Variants in PCDH15 observed in about 807,000 individuals in gnomAD.
PCDH15 encodes the protein protocadherin related 15, also known as protocadherin-15.
In PCDH15, 129 loss-of-function variants were observed where a neutral mutation model predicts 178.5. The ratio of observed to expected loss-of-function variants is 0.72; its 90% CI spans 0.63 to 0.84. The LOEUF is 0.84. Ranked by LOEUF, PCDH15 falls within the 40% of genes least tolerant of loss-of-function variation. The pLI is 0.00. For synonymous variants in PCDH15, 800 were observed against 732.0 expected (o/e 1.09, Z -1.50); for missense variants, 2,230 against 2,099.9 (o/e 1.06, Z -1.21).
chr10:54,093,017 G>A lies in PCDH15; in HGVS notation c.1918-2954C>T, dbSNP rs908340283. On this transcript the variant is annotated intron_variant, in intron 15 of 37. Coordinates refer to ENST00000644397, the MANE Select transcript of PCDH15 (RefSeq NM_001384140.1). The stretch of plus-strand genomic sequence containing the variant: ...ACAATTTTAAGACCAGATTAATATC[G>A]AATCTTTTATTATATCAGATCTACT... Among the ~76,000 whole-genome samples, 11 of 151,684 alleles carry A rather than the reference G, an allele frequency of 7.3e-5. 1 individual carries two copies. In the South Asian group the frequency reaches 8.3e-4, roughly 12 times the overall value.
At position 55,547,910 on chromosome 10, in the gene PCDH15, TGAGAGAGA is replaced by T. The variant is rs763752387; in HGVS notation, c.-156+79707_-156+79714del. On this transcript the variant is annotated intron_variant, in intron 2 of 5. Transcript: ENST00000613346. ...TGGTGTGTGTGTCTGTGTGTGTGTG[TGAGAGAGA>T]GAGAGAGAGAGAGAGAGAGAGAGAG... is the stretch of plus-strand genomic sequence containing the variant. Among the ~76,000 whole-genome samples the T allele has an allele frequency of 2.1e-3, 113 of 54,520 alleles. 3 individuals are homozygous for T. Among genetic ancestry groups the T allele is most frequent in the South Asian group, 0.02 (21 of 1,032 alleles). 35.8% of individuals were successfully genotyped at this position (54,520 alleles called of 152,430 possible).
rs55738634 is a variant in PCDH15, at chr10:53,957,503, G to GTTTT, written c.3122+2225_3122+2228dup. On this transcript the variant is annotated intron_variant, in intron 23 of 37. Transcript: ENST00000644397. ...TGACACCAAAGCCTATATTTACTAT[G>GTTTT]TTTTTTTTTTTTTCCTGATAACCCA... 5.7e-3 allele frequency among the ~76,000 whole-genome samples: 808 copies of GTTTT among 140,578 alleles called. 17 individuals are homozygous for GTTTT. The highest frequency in any genetic ancestry group is 0.016 in the African/African-American group (619 of 38,396). The allele number at this position is 140,578 out of a possible 152,430, so 92.2% of individuals were successfully genotyped here. A position where few individuals can be genotyped will look rare whatever the true frequency, so the allele number is the denominator to read the frequency against.
At chr10:54,056,048 TC>T (rs2093879179) in intron 18 of PCDH15, among the ~76,000 whole-genome samples, 2 of 152,180 alleles carry the variant, frequency 1.3e-5, no homozygotes, top group Non-Finnish European at 2.9e-5. Flanking sequence ...ATCCTTCAAT[TC>T]TCTTTTAGGA....
At chr10:54,033,385 C>T (rs10825195) in intron 18 of PCDH15, among the ~76,000 whole-genome samples, 65,439 of 151,510 alleles carry the variant, frequency 0.43, 14,900 homozygotes, top group Middle Eastern at 0.61. Flanking sequence ...GTAAGGTTTT[C>T]TTGTCTCCCA....
chr10:55,543,631 G>A (rs1033106024), intron 2 of PCDH15, among the ~76,000 whole-genome samples: 9 of 150,686 alleles, frequency 6.0e-5, no homozygotes, highest in Non-Finnish European at 4.4e-5. Context: ...CTAAATCCAC[G>A]TATATTTGCC....
chr10:55,356,657 C>T (rs542009119), intron 2 of PCDH15, among the ~76,000 whole-genome samples: 23 of 151,704 alleles, frequency 1.5e-4, no homozygotes, highest in African/African-American at 2.4e-4. Context: ...AAATAACAGA[C>T]GTTGTTTACT....
At chr10:54,207,184 C>T (rs752220322) in intron 10 of PCDH15, among the ~76,000 whole-genome samples, 6 of 151,002 alleles carry the variant, frequency 4.0e-5, no homozygotes, top group Admixed American at 6.6e-5. Flanking sequence ...TGTTCTAACA[C>T]TGCTGCATGA....
chr10:53,990,918 G>A (rs961467580), intron 21 of PCDH15, among the ~76,000 whole-genome samples: 25 of 152,136 alleles, frequency 1.6e-4, no homozygotes, highest in South Asian at 8.3e-4. Flanking sequence ...GCCGTCTGGC[G>A]CCACCGGCCC....
At chr10:55,225,267 G>A (rs1349708780) in intron 1 of PCDH15, among the ~76,000 whole-genome samples, 1 of 152,026 alleles carries the variant, frequency 6.6e-6, no homozygotes, top group Non-Finnish European at 1.5e-5. Flanking sequence ...CCTTAATTAA[G>A]TATTTTCTGG....
At chr10:53,920,367 A>G (rs2083895396) in intron 25 of PCDH15, among the ~76,000 whole-genome samples, 1 of 152,100 alleles carries the variant, frequency 6.6e-6, no homozygotes, top group African/African-American at 2.4e-5. Flanking sequence ...TAGTGGATAA[A>G]TTATGTAAAA....
chr10:54,764,109 A>G (rs553212971), intron 1 of PCDH15, among the ~76,000 whole-genome samples: 2 of 152,188 alleles, frequency 1.3e-5, no homozygotes, highest in South Asian at 4.1e-4. Flanking sequence ...AAATAAATAT[A>G]TATTTTTTTC....
At chr10:55,067,399 G>T (rs1287787011) in intron 2 of PCDH15, among the ~76,000 whole-genome samples, 1 of 151,960 alleles carries the variant, frequency 6.6e-6, no homozygotes, top group Admixed American at 6.6e-5. Context: ...GTTGCTGCAA[G>T]TGACATGATT....
chr10:54,927,260 G>T (rs916966535), intron 2 of PCDH15, among the ~76,000 whole-genome samples: 10 of 152,118 alleles, frequency 6.6e-5, no homozygotes, highest in African/African-American at 1.7e-4. Flanking sequence ...AAATATCTTT[G>T]TCTTGATTTC....
At chr10:53,906,584 C>A (rs1454422616) in intron 25 of PCDH15, among the ~76,000 whole-genome samples, 32 of 152,064 alleles carry the variant, frequency 2.1e-4, no homozygotes, top group Admixed American at 2.1e-3. Flanking sequence ...TGATTATAAT[C>A]ATGAGATTAT....
At chr10:55,581,846 T>A (rs1454677166) in intron 2 of PCDH15, among the ~76,000 whole-genome samples, 1 of 152,084 alleles carries the variant, frequency 6.6e-6, no homozygotes, top group Non-Finnish European at 1.5e-5. Flanking sequence ...GTGGGCAATT[T>A]TTTTTTGGAA....
At chr10:55,194,552 C>T (rs1840031021) in intron 1 of PCDH15, among the ~76,000 whole-genome samples, 1 of 151,990 alleles carries the variant, frequency 6.6e-6, no homozygotes, top group South Asian at 2.1e-4. Flanking sequence ...TCTGTGTTTT[C>T]AGTCATCACT....
chr10:54,513,733 T>G (rs1321077149), intron 3 of PCDH15, among the ~76,000 whole-genome samples: 1 of 152,194 alleles, frequency 6.6e-6, no homozygotes, highest in Non-Finnish European at 1.5e-5. Context: ...TTAAGTCTGA[T>G]GCAGCTGTTA....
intron 14 of PCDH15, among the ~76,000 whole-genome samples, chr10:54,143,931 T>C (rs1370312718): frequency 6.6e-6 from 1 of 152,120 alleles, no homozygotes; most frequent in Non-Finnish European, 1.5e-5. Flanking sequence ...TGAACTGAAA[T>C]GGGCTTGGGA....
At chr10:53,924,418 C>A (rs112722581) in intron 25 of PCDH15, among the ~76,000 whole-genome samples, 2 of 152,216 alleles carry the variant, frequency 1.3e-5, no homozygotes, top group African/African-American at 2.4e-5. Flanking sequence ...TGCCTCCCTG[C>A]GGGGCAAGGC....
Sources: gnomAD v4.1 joint callset for allele counts (sites outside exome capture counted in the v4.1 genomes callset) on GRCh38, gnomAD v4.1.1 for gene constraint, MANE v1.5 for transcripts, NCBI Gene and HGNC (gene_info 2026-07-23, HGNC 2026-07-21) for gene names.